The following F8 variants were observed in gnomAD, a reference collection of about 807,000 sequenced individuals.
F8 encodes the protein coagulation factor VIII, also known as antihemophilic factor.
A neutral mutation model predicts 140.6 loss-of-function variants in F8; 12 were observed. That is an observed-to-expected ratio of 0.09 (90% CI 0.05 to 0.14). F8 has a LOEUF of 0.14. Ranked by LOEUF, F8 falls within the 10% of genes least tolerant of loss-of-function variation. The pLI, the probability that F8 is intolerant of heterozygous loss-of-function variation, is 1.00. For synonymous variants in F8, 585 were observed against 614.6 expected (o/e 0.95, Z 0.71); for missense variants, 1,354 against 1,720.7 (o/e 0.79, Z 3.77).
chrX:154,944,203 A>G (rs1471367173), intron 13 of F8, among the ~76,000 whole-genome samples: 1 of 110,536 alleles, frequency 9.0e-6, no homozygotes, highest in Non-Finnish European at 1.9e-5. Flanking sequence ...TCTGCACAGC[A>G]AAAGAAACTA....
intron 25 of F8, among the ~76,000 whole-genome samples, chrX:154,843,421 A>G (rs1557271467): frequency 8.9e-6 from 1 of 111,910 alleles, no homozygotes; most frequent in Non-Finnish European, 1.9e-5. Flanking sequence ...ACAGTGTAAA[A>G]GCGTTCCTAT....
chrX:154,918,794 T>TTG (rs1445810364), intron 14 of F8: 15 of 101,721 alleles, frequency 1.5e-4, no homozygotes, highest in Non-Finnish European at 2.6e-4. Context: ...ATGTTTTTTT[T>TTG]TTTTTTTTTT....
intron 25 of F8, among the ~76,000 whole-genome samples, chrX:154,854,635 G>A (rs2072638780): frequency 9.3e-6 from 1 of 107,750 alleles, no homozygotes; most frequent in Non-Finnish European, 1.9e-5. Context: ...TCTCCTCTTG[G>A]TTCTGGTTTT....
intron 22 of F8, among the ~76,000 whole-genome samples, chrX:154,891,742 G>A (rs1217085708): frequency 1.8e-5 from 2 of 112,555 alleles, no homozygotes; most frequent in Non-Finnish European, 3.8e-5. Context: ...TTCCATATCA[G>A]GTGCCTGGGG....
chrX:154,992,919 C>T lies in F8; in HGVS notation c.601+17G>A, dbSNP rs200951849. ...CTCTGCTTATTTCATCTCAATCCTA[C>T]GCTTTCATACACTTACCTTCTCTAC... On this transcript the variant is annotated intron_variant, in intron 4 of 25. Coordinates refer to ENST00000360256, the MANE Select transcript of F8 (RefSeq NM_000132.4). 984 of 1,181,221 alleles carry T rather than the reference C, an allele frequency of 8.3e-4. 6 individuals are homozygous for T. In the South Asian group the frequency reaches 0.014, roughly 16 times the overall value.
intron 18 of F8, among the ~76,000 whole-genome samples, chrX:154,903,675 T>C (rs1237876510): frequency 2.7e-5 from 3 of 112,284 alleles, no homozygotes; most frequent in Non-Finnish European, 3.8e-5. Flanking sequence ...ACTGTGACAT[T>C]AATTATCCAT....
intron 13 of F8, among the ~76,000 whole-genome samples, chrX:154,938,003 A>G (rs888828473): frequency 2.7e-5 from 3 of 112,117 alleles, no homozygotes; most frequent in African/African-American, 9.7e-5. Flanking sequence ...ACTATAAGAT[A>G]GTATGTTACT....
At chrX:154,873,180 AT>A (rs200576025) in intron 22 of F8, among the ~76,000 whole-genome samples, 1,680 of 110,303 alleles carry the variant, frequency 0.015, 14 homozygotes, top group Middle Eastern at 0.033. Flanking sequence ...TAAAAAAAAA[AT>A]TTTAATTAAT....
At chrX:154,952,078 A>G (rs1360140853) in intron 12 of F8, among the ~76,000 whole-genome samples, 1 of 112,237 alleles carries the variant, frequency 8.9e-6, no homozygotes, top group Non-Finnish European at 1.9e-5. Flanking sequence ...AAAAAAATAG[A>G]AGAACAAATA....
chrX:154,966,350 T>G, intron 8 of F8, 76 bp downstream of exon 8: 1 of 1,134,591 alleles, frequency 8.8e-7, no homozygotes, highest in Non-Finnish European at 1.2e-6. Flanking sequence ...GGCTTCAGGA[T>G]TTGTTGGTTT....
intron 25 of F8, among the ~76,000 whole-genome samples, chrX:154,860,180 G>C (rs1166515426): frequency 9.0e-6 from 1 of 111,526 alleles, no homozygotes; most frequent in African/African-American, 3.3e-5. Flanking sequence ...GGTCAAAAAG[G>C]CTTGGGAATC....
rs375436591 is a variant in F8 at position 154,966,493 on chromosome X, C to A, written c.1204G>T (p.Val402Leu). The A allele has an allele frequency of 8.3e-7, 1 of 1,211,301 alleles. No homozygotes were observed. Among genetic ancestry groups the A allele is most frequent in the South Asian group, 1.8e-5 (1 of 56,949 alleles). Residue 402 changes from valine (V) to leucine (L), a missense_variant, in exon 8 of 26, where the codon GTA becomes TTA. Physicochemically the swap from Val to Leu is conservative, Grantham distance 32. Transcript: ENST00000360256. ...SVAKKHPKTW[V>L]HYIAAEEEDW... ...TCCTCTTCAGCAGCAATGTAATGTACCCAAGTTTTAGGATGCTTCTTGGCA... is the reference window on the plus strand; with the variant it reads ...TCCTCTTCAGCAGCAATGTAATGTAACCAAGTTTTAGGATGCTTCTTGGCA...
At chrX:154,935,082 A>G (rs1772254121) in intron 13 of F8, among the ~76,000 whole-genome samples, 1 of 110,840 alleles carries the variant, frequency 9.0e-6, no homozygotes, top group Admixed American at 9.6e-5. Context: ...GGATTGCTTG[A>G]GCCCAGGAGG....
At chrX:154,923,764 CAT>C (rs1481854830) in intron 14 of F8, among the ~76,000 whole-genome samples, 4 of 111,328 alleles carry the variant, frequency 3.6e-5, no homozygotes, top group African/African-American at 1.3e-4. Context: ...AATGTGAGGA[CAT>C]GAGATTTGGG....
At chrX:154,982,082 G>A (rs1428241641) in intron 6 of F8, among the ~76,000 whole-genome samples, 2 of 110,480 alleles carry the variant, frequency 1.8e-5, no homozygotes, top group African/African-American at 6.6e-5. Flanking sequence ...TACTTGGGAG[G>A]CTGGGGCAGG....
In F8 at chrX:154,906,681, C is replaced by G. The variant is rs191319959; in HGVS notation, c.5220-108G>C. 7.0e-5 allele frequency: 48 copies of G among 689,081 alleles called. No homozygotes were observed. The African/African-American group carries it at 9.2e-4, about 13-fold the overall frequency. The allele number at this position is 689,081 out of a possible 1,213,427, so 56.8% of individuals were successfully genotyped here. On this transcript the variant is annotated intron_variant, in intron 14 of 25. Coordinates refer to ENST00000360256, the MANE Select transcript of F8 (RefSeq NM_000132.4). ...CCTGAGAAGCATTTTGCATAGTTAACCACTTCATCTTCCTTGAAATACTCT... is the reference window on the plus strand; with the variant it reads ...CCTGAGAAGCATTTTGCATAGTTAAGCACTTCATCTTCCTTGAAATACTCT...
At chrX:154,940,448 G>A (rs1557279652) in intron 13 of F8, among the ~76,000 whole-genome samples, 1 of 111,861 alleles carries the variant, frequency 8.9e-6, no homozygotes, top group Non-Finnish European at 1.9e-5. Flanking sequence ...AATGAAGTGT[G>A]AAGATAAGTT....
chrX:154,914,026 G>A (rs1210098202), intron 14 of F8, among the ~76,000 whole-genome samples: 4 of 113,244 alleles, frequency 3.5e-5, no homozygotes, highest in African/African-American at 9.6e-5. Context: ...GCACACCTCC[G>A]CCTGGACATC....
intron 11 of F8, among the ~76,000 whole-genome samples, chrX:154,956,276 A>G (rs782156430): frequency 8.9e-6 from 1 of 111,929 alleles, no homozygotes; most frequent in East Asian, 2.8e-4. Context: ...ATTTGTGCAG[A>G]TAACGCAATC....
Sources: gnomAD v4.1 joint callset for allele counts (sites outside exome capture counted in the v4.1 genomes callset) on GRCh38, gnomAD v4.1.1 for gene constraint, MANE v1.5 for transcripts, NCBI Gene and HGNC (gene_info 2026-07-23, HGNC 2026-07-21) for gene names.